The following TUBGCP2 variants were observed in gnomAD, a reference collection of about 807,000 sequenced individuals.
TUBGCP2 encodes the protein tubulin gamma complex component 2.
In TUBGCP2, 55 loss-of-function variants were observed where a neutral mutation model predicts 92.2. The ratio of observed to expected loss-of-function variants is 0.60; its 90% confidence interval spans 0.48 to 0.75. The LOEUF is 0.75. Ranked by LOEUF, TUBGCP2 falls within the 30% of genes least tolerant of loss-of-function variation. TUBGCP2 has a pLI of 0.00. For synonymous variants in TUBGCP2, 533 were observed against 505.2 expected (o/e 1.06, Z -0.74); for missense variants, 1,093 against 1,188.9 (o/e 0.92, Z 1.19).
At chr10:133,299,356 G>A in intron 4 of TUBGCP2, 71 bp downstream of exon 4, 1 of 1,348,056 alleles carries the variant, frequency 7.4e-7, no homozygotes, top group Non-Finnish European at 1.0e-6. Context: ...ACTGAGTGTG[G>A]GTGCCTGTGG....
intron 1 of TUBGCP2, among the ~76,000 whole-genome samples, chr10:133,308,047 G>T (rs748464390): frequency 1.3e-4 from 20 of 152,182 alleles, no homozygotes; most frequent in Non-Finnish European, 2.8e-4. Flanking sequence ...AGAATTTGAG[G>T]CCGCAGCGAT....
At position 133,292,615 on chromosome 10, in the gene TUBGCP2, G is replaced by A. The variant is rs768730187; in HGVS notation, c.1098C>T (p.Tyr366=). The A allele has an allele frequency of 3.1e-6, 5 of 1,614,076 alleles. No homozygotes were observed. The highest frequency in any genetic ancestry group is 4.2e-6 in the Non-Finnish European group (5 of 1,180,038). ...LSLLHDRSFS[Y]TGDSQAQELC... ...GCTCCTGCGCCTGGCTGTCCCCTGT[G>A]TAGCTGAAGCTCCTGTCGTGGAGCA... is the stretch of plus-strand genomic sequence containing the variant. The change falls in exon 8 of 18, where the codon TAC becomes TAT. Residue 366 remains tyrosine, a synonymous_variant. Transcript: ENST00000252936.
chr10:133,290,130 C>T, intron 8 of TUBGCP2, 161 bp from the exon 9 acceptor site: 2 of 1,064,554 alleles, frequency 1.9e-6, no homozygotes, highest in South Asian at 3.2e-5. Context: ...TACTTCTCAA[C>T]TGTGGGCTAA....
chr10:133,294,546 C>T (rs529360836), intron 5 of TUBGCP2, among the ~76,000 whole-genome samples: 3 of 152,284 alleles, frequency 2.0e-5, no homozygotes, highest in East Asian at 1.9e-4. Flanking sequence ...GACTACAATC[C>T]GTCACCAACG....
chr10:133,305,112 G>T (rs1421598424), intron 1 of TUBGCP2, among the ~76,000 whole-genome samples: 1 of 152,162 alleles, frequency 6.6e-6, no homozygotes, highest in Non-Finnish European at 1.5e-5. Flanking sequence ...CAGTTATCCG[G>T]AGGCCTGACT....
chr10:133,293,218 G>T lies in TUBGCP2; in HGVS notation c.845C>A (p.Ser282Tyr). ...GTGGTTCACCTGCCCGTACTCGAAG[G>T]AAGACTTCTCTTCAATGAACCTGGA... ...AVTRFIEEKS[S>Y]FEYGQVNHAL... Residue 282 changes from serine (S) to tyrosine (Y), a missense_variant, in exon 7 of 18, where the codon TCC (serine) becomes TAC (tyrosine). This residue lies in a region of TUBGCP2 where 490 missense variants were observed against 488.5 expected (regional missense o/e 1.00). Transcript: ENST00000252936. The T allele has an allele frequency of 6.2e-7, 1 of 1,613,700 alleles. No individual in the cohort carries two copies. Among genetic ancestry groups the T allele is most frequent in the South Asian group, 1.1e-5 (1 of 91,088 alleles).
chr10:133,300,458 T>C (rs1169395054), intron 2 of TUBGCP2: 1 of 225,164 alleles, frequency 4.4e-6, no homozygotes, highest in Non-Finnish European at 9.1e-6. Context: ...TTGCCTGTGG[T>C]CACTACTTGG....
chr10:133,305,916 C>T (rs1020299176), intron 1 of TUBGCP2, among the ~76,000 whole-genome samples: 16 of 152,228 alleles, frequency 1.1e-4, no homozygotes, highest in Non-Finnish European at 1.3e-4. Context: ...TACTTCTAGG[C>T]TGTGGGACCC....
Position 133,279,860 on chromosome 10 carries a change from A to G in TUBGCP2, c.2615T>C (p.Leu872Pro). Residue 872 changes from leucine to proline, a missense_variant, in exon 18 of 18, where the codon CTG becomes CCG. Transcript: ENST00000252936. ...NGFYTERLER[L>P]SAERSQKATP... ...GGCCTTCTGGCTCCTCTCTGCAGAC[A>G]GGCGCTCCAGGCGCTCCGTGTAGAA... The G allele has an allele frequency of 1.2e-6, 2 of 1,606,620 alleles. No homozygotes were observed. Among genetic ancestry groups the G allele is most frequent in the Non-Finnish European group, 1.7e-6 (2 of 1,177,342 alleles).
At chr10:133,293,376 G>T in intron 6 of TUBGCP2, 138 bp from the exon 7 acceptor site, 1 of 1,233,702 alleles carries the variant, frequency 8.1e-7, no homozygotes, top group South Asian at 1.4e-5. Context: ...TTTTGCCCCA[G>T]GAGGAGATGA....
chr10:133,310,881 A>G (rs944840722), upstream of TUBGCP2, among the ~76,000 whole-genome samples: 3 of 151,928 alleles, frequency 2.0e-5, no homozygotes, highest in Non-Finnish European at 4.4e-5. Context: ...GGTTCACTGC[A>G]ACCTCCACTT....
At chr10:133,292,827 A>G in intron 7 of TUBGCP2, 139 bp from the exon 8 acceptor site, 2 of 1,193,722 alleles carry the variant, frequency 1.7e-6, no homozygotes, top group Admixed American at 5.2e-5. Flanking sequence ...TATTAACTGT[A>G]AGGTTGTAGT....
chr10:133,288,768 C>T (rs1847198974), intron 10 of TUBGCP2, 72 bp downstream of exon 10: 1 of 1,471,164 alleles, frequency 6.8e-7, no homozygotes, highest in East Asian at 2.5e-5. Context: ...CCAGCGATCT[C>T]AGCCCCACGT....
intron 5 of TUBGCP2, 90 bp from the exon 6 acceptor site, chr10:133,293,859 T>A (rs1847425446): frequency 1.6e-6 from 2 of 1,268,362 alleles, no homozygotes; most frequent in Admixed American, 4.0e-5. Flanking sequence ...GTCTCACTCT[T>A]GCTCATCTTT....
intron 11 of TUBGCP2, among the ~76,000 whole-genome samples, chr10:133,287,179 C>G (rs1847153013): frequency 6.6e-6 from 1 of 152,196 alleles, no homozygotes; most frequent in Admixed American, 6.5e-5. Flanking sequence ...GTGCACCAGA[C>G]AAGATGCGAG....
At chr10:133,309,780 C>A, upstream of TUBGCP2, 1 of 1,612,732 alleles carries the variant, frequency 6.2e-7, no homozygotes, top group Non-Finnish European at 8.5e-7. Flanking sequence ...TGGCAGGGTG[C>A]CCGCGTTTGC....
intron 1 of TUBGCP2, among the ~76,000 whole-genome samples, chr10:133,308,286 C>G (rs1423695661): frequency 6.6e-6 from 1 of 152,198 alleles, no homozygotes; most frequent in Non-Finnish European, 1.5e-5. Context: ...GCCCTGAGCA[C>G]CTAGCACAGG....
chr10:133,283,741 T>C (rs74164138), intron 14 of TUBGCP2, 141 bp downstream of exon 14: 48,954 of 1,172,600 alleles, frequency 0.042, 2,317 homozygotes, highest in African/African-American at 0.13. Flanking sequence ...CTGCCTCTCC[T>C]GCACTCCCTG....
chr10:133,280,409 C>T (rs1846937446), intron 17 of TUBGCP2, among the ~76,000 whole-genome samples: 1 of 152,148 alleles, frequency 6.6e-6, no homozygotes. Context: ...ACAGGGTGGT[C>T]CAAAAGCACA....
Sources: gnomAD v4.1 joint callset for allele counts (sites outside exome capture counted in the v4.1 genomes callset) on GRCh38, gnomAD v4.1.1 for gene constraint, gnomAD v4.1.1 regional missense constraint, MANE v1.5 for transcripts, NCBI Gene and HGNC (gene_info 2026-07-23, HGNC 2026-07-21) for gene names.